The following EYS variants were observed in gnomAD, a reference collection of about 807,000 sequenced individuals.
The protein encoded by EYS is protein eyes shut homolog.
EYS carries 250 observed loss-of-function variants against 282.1 expected under a neutral mutation model. That is an observed-to-expected ratio of 0.89 (90% CI 0.80 to 0.98). The LOEUF (loss-of-function observed/expected upper bound fraction) is 0.98. Among genes scored for constraint, EYS ranks in the 50% least tolerant of loss-of-function variants. The probability of loss-of-function intolerance (pLI) is 0.00; values close to 1 mark genes in which losing one functional copy is unlikely to be tolerated. For synonymous variants in EYS, 1,355 were observed against 1,282.9 expected (o/e 1.06, Z -1.20); for missense variants, 4,016 against 3,709.0 (o/e 1.08, Z -2.15).
At chr6:64,967,304 A>C (rs1008973556) in intron 14 of EYS, among the ~76,000 whole-genome samples, 5 of 151,650 alleles carry the variant, frequency 3.3e-5, no homozygotes, top group African/African-American at 1.2e-4. Flanking sequence ...TAAGCTGTTC[A>C]CTGTAGTCTG....
chr6:65,115,950 G>T (rs900106508), intron 12 of EYS, among the ~76,000 whole-genome samples: 3 of 130,674 alleles, frequency 2.3e-5, no homozygotes, highest in African/African-American at 1.0e-4. Flanking sequence ...ATGTCTGTCT[G>T]TCTGTCTGTC....
intron 12 of EYS, among the ~76,000 whole-genome samples, chr6:65,260,701 A>G (rs1767597124): frequency 6.6e-6 from 1 of 152,104 alleles, no homozygotes; most frequent in African/African-American, 2.4e-5. Context: ...GATTACTTAT[A>G]TGTCACACAA....
At chr6:65,238,937 C>G (rs893214381) in intron 12 of EYS, among the ~76,000 whole-genome samples, 11 of 151,882 alleles carry the variant, frequency 7.2e-5, no homozygotes, top group African/African-American at 2.7e-4. Flanking sequence ...TATTAATATG[C>G]TTAAAAAAGT....
intron 2 of EYS, among the ~76,000 whole-genome samples, chr6:65,617,812 T>A (rs1185056642): frequency 6.6e-6 from 1 of 151,534 alleles, no homozygotes; most frequent in Non-Finnish European, 1.5e-5. Context: ...GTTTGGTTTT[T>A]TGCACTTGCA....
At chr6:64,714,629 C>T (rs541978613) in intron 22 of EYS, among the ~76,000 whole-genome samples, 7 of 151,336 alleles carry the variant, frequency 4.6e-5, no homozygotes, top group Non-Finnish European at 1.0e-4. Flanking sequence ...GGGTTCACAC[C>T]ACTCTCCTGC....
intron 19 of EYS, among the ~76,000 whole-genome samples, chr6:64,856,135 T>C (rs1766051214): frequency 6.6e-6 from 1 of 152,108 alleles, no homozygotes; most frequent in Admixed American, 6.6e-5. Flanking sequence ...TAGAGAACAT[T>C]ATTGTTGGAC....
At position 65,519,116 on chromosome 6, in the gene EYS, G is replaced by A. The variant is rs1408250954; in HGVS notation, c.-332-23123C>T. Among the ~76,000 whole-genome samples the A allele has an allele frequency of 3.3e-5, 5 of 152,194 alleles. 1 individual carries two copies. Among genetic ancestry groups the A allele is most frequent in the Admixed American group, 3.3e-4 (5 of 15,270 alleles). On this transcript the variant is annotated intron_variant, in intron 2 of 42. Coordinates refer to ENST00000503581, the MANE Select transcript of EYS (RefSeq NM_001142800.2). Reference sequence around the variant, plus strand: ...TATCCCTCTCTTTCATTGTGTTTGAGTTGTTTTACAATTTGGTAAATTGTA... The same window carrying A: ...TATCCCTCTCTTTCATTGTGTTTGAATTGTTTTACAATTTGGTAAATTGTA...
chr6:64,170,171 CAAAA>C (rs1764437139), intron 31 of EYS, among the ~76,000 whole-genome samples: 1 of 151,776 alleles, frequency 6.6e-6, no homozygotes, highest in African/African-American at 2.4e-5. Context: ...GTCCCACTCT[CAAAA>C]AAGAAAAATC....
At chr6:65,355,861 G>C (rs1446388024) in intron 8 of EYS, among the ~76,000 whole-genome samples, 3 of 152,030 alleles carry the variant, frequency 2.0e-5, no homozygotes, top group Non-Finnish European at 4.4e-5. Flanking sequence ...GAAATGGAAT[G>C]CTTATGCCCT....
intron 31 of EYS, among the ~76,000 whole-genome samples, chr6:64,157,569 A>G (rs533267269): frequency 1.2e-4 from 18 of 152,270 alleles, no homozygotes; most frequent in Non-Finnish European, 2.2e-4. Context: ...CCAGGTCCAG[A>G]GTCCCCATGC....
chr6:65,378,196 A>G (rs1443055944), intron 8 of EYS, among the ~76,000 whole-genome samples: 1 of 152,136 alleles, frequency 6.6e-6, no homozygotes, highest in Non-Finnish European at 1.5e-5. Flanking sequence ...AGACAAAAAC[A>G]ATCAACCTCA....
At chr6:64,290,171 C>G (rs1768651083) in intron 30 of EYS, among the ~76,000 whole-genome samples, 1 of 152,102 alleles carries the variant, frequency 6.6e-6, no homozygotes, top group African/African-American at 2.4e-5. Context: ...ATCTATCCAT[C>G]AATCACAGGC....
intron 23 of EYS, among the ~76,000 whole-genome samples, chr6:64,624,437 T>C (rs1231728127): frequency 6.6e-6 from 1 of 152,334 alleles, no homozygotes; most frequent in Non-Finnish European, 1.5e-5. Context: ...GAAGTGTTTG[T>C]GGGCACAATA....
chr6:64,763,188 A>G (rs1773217355), intron 22 of EYS, among the ~76,000 whole-genome samples: 1 of 152,218 alleles, frequency 6.6e-6, no homozygotes, highest in African/African-American at 2.4e-5. Flanking sequence ...TTAAGGAACT[A>G]TTTTTATGGG....
intron 31 of EYS, among the ~76,000 whole-genome samples, chr6:64,136,771 G>C (rs1774174282): frequency 6.6e-6 from 1 of 151,964 alleles, no homozygotes; most frequent in Non-Finnish European, 1.5e-5. Flanking sequence ...CATAATCTAG[G>C]CTTTGTTCTT....
intron 2 of EYS, among the ~76,000 whole-genome samples, chr6:65,618,400 G>C (rs1342020196): frequency 2.0e-5 from 3 of 152,320 alleles, no homozygotes; most frequent in Non-Finnish European, 4.4e-5. Context: ...CGATGGGGCT[G>C]TTTGTTTTTT....
intron 2 of EYS, among the ~76,000 whole-genome samples, chr6:65,545,226 A>AT (rs935947559): frequency 4.6e-5 from 4 of 86,068 alleles, no homozygotes; most frequent in South Asian, 4.3e-4. Flanking sequence ...CCTGGCCTAG[A>AT]TTTTTTTTAT....
intron 14 of EYS, among the ~76,000 whole-genome samples, chr6:64,974,644 T>A (rs549612366): frequency 6.6e-6 from 1 of 151,910 alleles, no homozygotes. Context: ...TATCTTCATG[T>A]CCTTATAGGA....
At chr6:64,455,042 T>C (rs867235408) in intron 26 of EYS, among the ~76,000 whole-genome samples, 2 of 152,274 alleles carry the variant, frequency 1.3e-5, no homozygotes, top group African/African-American at 2.4e-5. Context: ...CATTTACATA[T>C]TGAGCAACCT....
Sources: allele counts gnomAD v4.1 joint callset (sites outside exome capture counted in the v4.1 genomes callset), GRCh38; gene constraint gnomAD v4.1.1; transcripts MANE v1.5; gene names NCBI Gene and HGNC (gene_info 2026-07-23, HGNC 2026-07-21).